Variants in CLCA1 observed in about 807,000 individuals in gnomAD.
CLCA1 encodes the protein chloride channel accessory 1, also known as calcium-activated chloride channel regulator 1.
In CLCA1, 59 loss-of-function variants were observed where a neutral mutation model predicts 85.6. The observed-to-expected ratio is 0.69, with a 90% CI of 0.56 to 0.86. The LOEUF (loss-of-function observed/expected upper bound fraction) is 0.86. CLCA1 is among the 40% of genes least tolerant of loss of function. The probability of loss-of-function intolerance (pLI) is 0.00; values close to 1 mark genes in which losing one functional copy is unlikely to be tolerated. For synonymous variants in CLCA1, 396 were observed against 398.3 expected (o/e 0.99, Z 0.07); for missense variants, 1,022 against 1,101.4 (o/e 0.93, Z 1.02).
intron 6 of CLCA1, 97 bp downstream of exon 6, chr1:86,485,658 G>A: frequency 9.5e-7 from 1 of 1,054,856 alleles, no homozygotes; most frequent in Admixed American, 1.8e-5. Context: ...ATAACCCGAG[G>A]GCCAGAATAG....
intron 13 of CLCA1, 87 bp from the exon 14 acceptor site, chr1:86,499,567 T>C: frequency 5.8e-6 from 5 of 863,426 alleles, no homozygotes; most frequent in Non-Finnish European, 8.7e-6. Context: ...CTTTTAAAGC[T>C]TTTTAAATAT....
At chr1:86,481,561 T>C (rs1647823752) in intron 4 of CLCA1, among the ~76,000 whole-genome samples, 1 of 152,206 alleles carries the variant, frequency 6.6e-6, no homozygotes, top group South Asian at 2.1e-4. Context: ...TGAAAAATGC[T>C]TCAACTTGGT....
At chr1:86,497,267 G>A (rs1425473321) in intron 12 of CLCA1, among the ~76,000 whole-genome samples, 10 of 152,174 alleles carry the variant, frequency 6.6e-5, no homozygotes, top group African/African-American at 2.4e-4. Context: ...AGCCTTAATG[G>A]CAGTCTCTAC....
At position 86,476,498 on chromosome 1, in the gene CLCA1, G is replaced by A. The variant is rs1401295422; in HGVS notation, c.502G>A (p.Glu168Lys). The A allele has an allele frequency of 2.5e-6, 4 of 1,604,708 alleles. No individual in the cohort carries two copies. Among genetic ancestry groups the A allele is most frequent in the Non-Finnish European group, 3.4e-6 (4 of 1,171,566 alleles). ...TCATCTACGATGGGGAGTATTTGACGAGTACAATAATGATGAGAAATTCTA... is the reference window on the plus strand; with the variant it reads ...TCATCTACGATGGGGAGTATTTGACAAGTACAATAATGATGAGAAATTCTA... ...WAHLRWGVFD[E>K]YNNDEKFYLS... Residue 168 changes from glutamate to lysine, a missense_variant, in exon 4 of 14, where the codon GAG becomes AAG. Coordinates refer to ENST00000394711, the MANE Select transcript of CLCA1 (RefSeq NM_001285.4).
intron 3 of CLCA1, among the ~76,000 whole-genome samples, chr1:86,476,183 AG>A (rs1351883707): frequency 6.6e-6 from 1 of 152,200 alleles, no homozygotes; most frequent in Non-Finnish European, 1.5e-5. Context: ...CCACTACACC[AG>A]GAGCTATGTG....
At chr1:86,476,756 G>T (rs1341547047) in intron 4 of CLCA1, among the ~76,000 whole-genome samples, 2 of 151,808 alleles carry the variant, frequency 1.3e-5, no homozygotes, top group East Asian at 1.9e-4. Flanking sequence ...TCACTCTGCA[G>T]CTAGAAGTCA....
intron 12 of CLCA1, among the ~76,000 whole-genome samples, chr1:86,497,146 T>G (rs1648313608): frequency 6.6e-6 from 1 of 152,252 alleles, no homozygotes; most frequent in Non-Finnish European, 1.5e-5. Context: ...TAAGTATCCC[T>G]TTTTAAAGAT....
At chr1:86,469,514 C>T (rs906249130) in intron 1 of CLCA1, among the ~76,000 whole-genome samples, 1 of 152,182 alleles carries the variant, frequency 6.6e-6, no homozygotes, top group African/African-American at 2.4e-5. Flanking sequence ...GTCAGACTCT[C>T]CTTTTATTCT....
At chr1:86,499,573 A>C (rs1648395796) in intron 13 of CLCA1, 81 bp from the exon 14 acceptor site, 1 of 913,638 alleles carries the variant, frequency 1.1e-6, no homozygotes, top group Non-Finnish European at 1.6e-6. Context: ...AAGCTTTTTA[A>C]ATATTTTTTA....
In CLCA1 at chr1:86,491,362, CT is replaced by C. The variant is rs764383811; in HGVS notation, c.1456del (p.Ser486ProfsTer9). On this transcript the variant is annotated frameshift_variant, in exon 9 of 14. Transcript: ENST00000394711. LOFTEE classifies it high-confidence loss of function. Reference sequence around the variant, plus strand: ...CAGGAAATGGAGCTGTCTCTCAGCGCTCCATCCAGGTTGGAGTTCTTAATCT... The same window carrying C: ...CAGGAAATGGAGCTGTCTCTCAGCGCCCATCCAGGTTGGAGTTCTTAATCT... ...SSGNGAVSQR[S>X]IQLESKGLTL... 6.2e-7 allele frequency: 1 copy of C among 1,610,018 alleles called. No homozygotes were observed. Among genetic ancestry groups the C allele is most frequent in the South Asian group, 1.1e-5 (1 of 90,774 alleles).
chr1:86,469,199 A>T (rs754403567), intron 1 of CLCA1, 66 bp downstream of exon 1: 1 of 1,181,854 alleles, frequency 8.5e-7, no homozygotes, highest in Non-Finnish European at 1.2e-6. Context: ...AGAGAACATG[A>T]GTGCCCTATT....
chr1:86,498,469 C>A, intron 12 of CLCA1, 103 bp from the exon 13 acceptor site: 2 of 1,132,018 alleles, frequency 1.8e-6, no homozygotes, highest in Non-Finnish European at 2.6e-6. Context: ...AGGAAAGAAG[C>A]AGAAGTGGGG....
chr1:86,476,500 G>A lies in CLCA1; in HGVS notation c.504G>A (p.Glu168=). 1 of 1,604,694 alleles carries A rather than the reference G, an allele frequency of 6.2e-7. No individual in the cohort carries two copies. The highest frequency in any genetic ancestry group is 1.7e-4 in the Middle Eastern group (1 of 6,044). Residue 168 remains glutamate (E), a synonymous_variant, in exon 4 of 14, where the codon GAG becomes GAA. Transcript: ENST00000394711. ...ATCTACGATGGGGAGTATTTGACGA[G>A]TACAATAATGATGAGAAATTCTACT... ...WAHLRWGVFD[E]YNNDEKFYLS...
chr1:86,481,153 T>C (rs1224730812), intron 4 of CLCA1, among the ~76,000 whole-genome samples: 1 of 152,166 alleles, frequency 6.6e-6, no homozygotes, highest in Non-Finnish European at 1.5e-5. Context: ...TTCTTTTTTT[T>C]TGGAGACAGT....
chr1:86,491,154 C>T (rs1570288564), intron 8 of CLCA1, 111 bp from the exon 9 acceptor site: 1 of 660,494 alleles, frequency 1.5e-6, no homozygotes, highest in African/African-American at 1.8e-5. Context: ...TCTATTTATA[C>T]TTTAATAACA....
At chr1:86,479,968 T>G (rs1222444133) in intron 4 of CLCA1, among the ~76,000 whole-genome samples, 1 of 152,148 alleles carries the variant, frequency 6.6e-6, no homozygotes, top group Non-Finnish European at 1.5e-5. Context: ...GAATTACAAG[T>G]CTGTGAAGAA....
At chr1:86,489,424 C>T (rs924047886) in intron 8 of CLCA1, among the ~76,000 whole-genome samples, 1 of 152,198 alleles carries the variant, frequency 6.6e-6, no homozygotes, top group Non-Finnish European at 1.5e-5. Flanking sequence ...GGACCTTCTT[C>T]CCGGGCCAGG....
chr1:86,493,292 T>C (rs556394276), intron 9 of CLCA1, 92 bp from the exon 10 acceptor site: 14 of 955,784 alleles, frequency 1.5e-5, no homozygotes, highest in Non-Finnish European at 2.3e-5. Flanking sequence ...GAAGTCTTTT[T>C]AATGGCGCAC....
At position 86,499,674 on chromosome 1, in the gene CLCA1, A is replaced by G; in HGVS notation, c.2374A>G (p.Ile792Val). The G allele has an allele frequency of 3.2e-6, 5 of 1,586,978 alleles. No individual in the cohort carries two copies. The highest frequency in any genetic ancestry group is 2.2e-5 in the East Asian group (1 of 44,694). ...TTTAGCTCACAAGTATATCATTCGA[A>G]TAAGTACAAGTATTCTTGATCTCAG... ...HGTAHKYIIR[I>V]STSILDLRDK... The change falls in exon 14 of 14, where the codon ATA (isoleucine) becomes GTA (valine). Residue 792 changes from isoleucine (I) to valine (V), a missense_variant. Ile to Val is a conservative substitution (Grantham distance 29). Transcript: ENST00000394711.
Sources: allele counts gnomAD v4.1 joint callset (sites outside exome capture counted in the v4.1 genomes callset), GRCh38; gene constraint gnomAD v4.1.1; transcripts MANE v1.5; gene names NCBI Gene and HGNC (gene_info 2026-07-23, HGNC 2026-07-21).